Variants in COG5 observed in about 807,000 individuals in gnomAD.
COG5 encodes the protein component of oligomeric golgi complex 5, also known as conserved oligomeric Golgi complex subunit 5.
Under a neutral mutation model 110.4 loss-of-function variants are expected in COG5, and 86 were observed. The observed-to-expected ratio is 0.78, with a 90% CI of 0.65 to 0.93. The LOEUF (loss-of-function observed/expected upper bound fraction) is 0.93, where lower values mean the gene tolerates loss of function less well. Ranked by LOEUF, COG5 falls within the 40% of genes least tolerant of loss-of-function variation. The pLI, the probability that COG5 is intolerant of heterozygous loss-of-function variation, is 0.00. For synonymous variants in COG5, 360 were observed against 334.6 expected (o/e 1.08, Z -0.83); for missense variants, 1,077 against 987.0 (o/e 1.09, Z -1.22).
At position 107,554,392 on chromosome 7, in the gene COG5, C is replaced by T; in HGVS notation, c.235-50G>A. On this transcript the variant is annotated intron_variant, in intron 2 of 21. Transcript: ENST00000297135. The stretch of plus-strand genomic sequence containing the variant: ...GCTTTTGCTCTGTTAGGTATTCTTC[C>T]TTGTAACCACAATGTAGAATGGACA... 2.0e-6 allele frequency: 3 copies of T among 1,476,156 alleles called. 1 individual carries two copies. Among genetic ancestry groups the T allele is most frequent in the South Asian group, 2.3e-5 (2 of 87,730 alleles). 91.4% of individuals were successfully genotyped at this position (1,476,156 alleles called of 1,614,324 possible). A position where few individuals can be genotyped will look rare whatever the true frequency, so the allele number is the denominator to read the frequency against.
At chr7:107,559,014 A>C (rs185489352) in intron 1 of COG5, among the ~76,000 whole-genome samples, 1,759 of 150,004 alleles carry the variant, frequency 0.012, 33 homozygotes, top group African/African-American at 0.039. Context: ...AATTGACTCT[A>C]TATATATATA....
chr7:107,247,671 A>G (rs1194425951), intron 17 of COG5, among the ~76,000 whole-genome samples: 1 of 152,202 alleles, frequency 6.6e-6, no homozygotes, highest in African/African-American at 2.4e-5. Context: ...AAATGCTCCA[A>G]AGTTTTCTAA....
chr7:107,425,343 CAA>C (rs35373213), intron 6 of COG5, among the ~76,000 whole-genome samples: 30 of 111,204 alleles, frequency 2.7e-4, no homozygotes, highest in Admixed American at 2.8e-4. Context: ...ACTCTGTCTC[CAA>C]AAAAAAAAAA....
Position 107,203,424 on chromosome 7 carries a change from T to C in COG5, c.*92A>G, listed in dbSNP as rs952620946. Reference sequence around the variant, plus strand: ...CGAACAATCAATTACATTCTTAAAATAGTAGATAGTAGCAGTCTTTTGGAG... The same window carrying C: ...CGAACAATCAATTACATTCTTAAAACAGTAGATAGTAGCAGTCTTTTGGAG... On this transcript the variant is annotated 3_prime_UTR_variant, in exon 22 of 22. Coordinates refer to ENST00000297135, the MANE Select transcript of COG5 (RefSeq NM_006348.5). 3.6e-6 allele frequency: 3 copies of C among 833,232 alleles called. No homozygotes were observed. Among genetic ancestry groups the C allele is most frequent in the East Asian group, 4.9e-5 (2 of 40,662 alleles). 51.6% of individuals were successfully genotyped at this position (833,232 alleles called of 1,614,324 possible).
chr7:107,512,045 G>T (rs7805630), intron 6 of COG5, among the ~76,000 whole-genome samples: 3 of 152,042 alleles, frequency 2.0e-5, no homozygotes, highest in East Asian at 1.9e-4. Flanking sequence ...GTTCTGGCCA[G>T]GGCAATTAGG....
chr7:107,559,396 G>A (rs1803597705), intron 1 of COG5, among the ~76,000 whole-genome samples: 1 of 152,168 alleles, frequency 6.6e-6, no homozygotes, highest in South Asian at 2.1e-4. Context: ...TGCCTTGAGA[G>A]AGATTATGAA....
intron 10 of COG5, among the ~76,000 whole-genome samples, chr7:107,338,785 CAA>C (rs1011040481): frequency 6.6e-6 from 1 of 151,922 alleles, no homozygotes; most frequent in Non-Finnish European, 1.5e-5. Flanking sequence ...TTAAAATAGA[CAA>C]AAGACTTTAA....
chr7:107,342,741 A>G (rs900866712), intron 10 of COG5, among the ~76,000 whole-genome samples: 1 of 152,182 alleles, frequency 6.6e-6, no homozygotes, highest in African/African-American at 2.4e-5. Context: ...GGCTGCAGAG[A>G]AAAGGGAATG....
chr7:107,512,878 C>A (rs372813749), intron 6 of COG5, among the ~76,000 whole-genome samples: 1 of 151,250 alleles, frequency 6.6e-6, no homozygotes, highest in East Asian at 1.9e-4. Flanking sequence ...CTTCCTTACA[C>A]CTTATACAAA....
chr7:107,485,760 T>C (rs1329505419), intron 6 of COG5, among the ~76,000 whole-genome samples: 1 of 152,182 alleles, frequency 6.6e-6, no homozygotes, highest in East Asian at 1.9e-4. Context: ...ACATTGGGGT[T>C]GTACTTGCTT....
intron 5 of COG5, among the ~76,000 whole-genome samples, chr7:107,547,065 A>C (rs1802507777): frequency 6.6e-6 from 1 of 152,222 alleles, no homozygotes; most frequent in Non-Finnish European, 1.5e-5. Flanking sequence ...TGACAAAGAC[A>C]CTACAGGAAA....
chr7:107,244,532 G>A (rs897899626), intron 17 of COG5, among the ~76,000 whole-genome samples: 3 of 152,100 alleles, frequency 2.0e-5, no homozygotes, highest in African/African-American at 4.8e-5. Flanking sequence ...AATGAATCCA[G>A]GAGTAGGCTT....
At chr7:107,216,893 GAAATA>G (rs2116263162) in intron 19 of COG5, among the ~76,000 whole-genome samples, 1 of 152,108 alleles carries the variant, frequency 6.6e-6, no homozygotes, top group South Asian at 2.1e-4. Flanking sequence ...GATCAGAGCA[GAAATA>G]AATACAGACT....
chr7:107,254,377 TAA>T (rs1005939359), intron 16 of COG5, among the ~76,000 whole-genome samples: 5 of 151,440 alleles, frequency 3.3e-5, no homozygotes, highest in Admixed American at 3.3e-4. Context: ...CTTTTTATTC[TAA>T]GTCAGGTTTT....
In COG5 at chr7:107,539,828, C is replaced by A. The variant is rs74606498; in HGVS notation, c.417+8283G>T. 5.4e-3 allele frequency among the ~76,000 whole-genome samples: 826 copies of A among 152,066 alleles called. 48 individuals are homozygous for A. In the East Asian group the frequency reaches 0.11, roughly 20 times the overall value. Reference sequence around the variant, plus strand: ...CAACTAGAAAATTGAACAAAATACACGAAATAATTTTAGAACAACAGGAAT... The same window carrying A: ...CAACTAGAAAATTGAACAAAATACAAGAAATAATTTTAGAACAACAGGAAT... On this transcript the variant is annotated intron_variant, in intron 5 of 21. Transcript: ENST00000297135.
At chr7:107,426,247 TACTCATTTAATACAACA>T (rs755995719) in intron 6 of COG5, among the ~76,000 whole-genome samples, 2 of 152,322 alleles carry the variant, frequency 1.3e-5, no homozygotes, top group East Asian at 1.9e-4. Context: ...ACCTGTATAT[TACTCATTTAATACAACA>T]ACTCATTTAA....
At chr7:107,507,059 C>A (rs1167919202) in intron 6 of COG5, among the ~76,000 whole-genome samples, 3 of 152,166 alleles carry the variant, frequency 2.0e-5, no homozygotes, top group African/African-American at 7.2e-5. Flanking sequence ...TAAATCAGTT[C>A]CAGTGTTGAG....
At chr7:107,446,437 C>T (rs80237131) in intron 6 of COG5, among the ~76,000 whole-genome samples, 2,733 of 152,254 alleles carry the variant, frequency 0.018, 80 homozygotes, top group African/African-American at 0.061. Flanking sequence ...CGGTAACCAG[C>T]CTTCAACATG....
Position 107,525,648 on chromosome 7 carries a change from G to A in COG5, c.538+1589C>T, listed in dbSNP as rs145497920. On this transcript the variant is annotated intron_variant, in intron 6 of 21. Transcript: ENST00000297135. ...GCTCACTGCAGCCTCTAACTTGTGG[G>A]CTCGAGTGATCCTCCCATCTCAGTT... Among the ~76,000 whole-genome samples, 3 of 152,164 alleles carry A rather than the reference G, an allele frequency of 2.0e-5. No individual in the cohort carries two copies. The East Asian group carries it at 5.8e-4, about 29-fold the overall frequency.
Sources: allele counts gnomAD v4.1 joint callset (sites outside exome capture counted in the v4.1 genomes callset), GRCh38; gene constraint gnomAD v4.1.1; transcripts MANE v1.5; gene names NCBI Gene and HGNC (gene_info 2026-07-23, HGNC 2026-07-21).